Variants in DCLK2 observed in about 807,000 individuals in gnomAD.
The protein encoded by DCLK2 is doublecortin like kinase 2.
In DCLK2, 31 loss-of-function variants were observed where a neutral mutation model predicts 78.4. The observed-to-expected ratio is 0.40, with a 90% CI of 0.30 to 0.53. The LOEUF is 0.53. Ranked by LOEUF, DCLK2 falls within the 20% of genes least tolerant of loss-of-function variation. DCLK2 has a pLI of 0.61. For synonymous variants in DCLK2, 407 were observed against 374.9 expected, an observed-to-expected ratio of 1.09 and a Z score of -0.99; for missense variants, 872 against 973.7, an observed-to-expected ratio of 0.90 and a Z score of 1.39.
At chr4:150,193,265 AT>A in intron 3 of DCLK2, 25 bp downstream of exon 3, 3 of 1,476,158 alleles carry the variant, frequency 2.0e-6, no homozygotes, top group Non-Finnish European at 2.8e-6. Context: ...CAGCTAATTC[AT>A]TTTTCCATCT....
chr4:150,167,954 G>A (rs909145198), intron 2 of DCLK2, among the ~76,000 whole-genome samples: 2 of 152,154 alleles, frequency 1.3e-5, no homozygotes, highest in Non-Finnish European at 2.9e-5. Context: ...GCCCTCCCAA[G>A]TGCTGAAAGG....
intron 2 of DCLK2, among the ~76,000 whole-genome samples, chr4:150,168,333 C>T (rs970301246): frequency 8.1e-5 from 12 of 148,592 alleles, no homozygotes; most frequent in African/African-American, 2.7e-4. Flanking sequence ...GGTGACAGAG[C>T]GAGACTCCAT....
chr4:150,198,921 C>CT, intron 4 of DCLK2: 1 of 605,952 alleles, frequency 1.7e-6, no homozygotes, highest in Non-Finnish European at 2.7e-6. Context: ...CCCCCCCCCC[C>CT]ACTTTCTGTA....
At chr4:150,250,723 C>G (rs1302599499) in intron 15 of DCLK2, among the ~76,000 whole-genome samples, 1 of 151,716 alleles carries the variant, frequency 6.6e-6, no homozygotes, top group East Asian at 1.9e-4. Context: ...CTGGGAAGGT[C>G]CTCCTTGTTT....
intron 2 of DCLK2, among the ~76,000 whole-genome samples, chr4:150,154,305 C>T (rs1028448783): frequency 3.3e-5 from 5 of 152,148 alleles, no homozygotes; most frequent in African/African-American, 1.2e-4. Context: ...TCCTTGAAAT[C>T]GAGGATTCAT....
At chr4:150,177,911 G>A (rs1054468724) in intron 2 of DCLK2, among the ~76,000 whole-genome samples, 1 of 152,114 alleles carries the variant, frequency 6.6e-6, no homozygotes, top group African/African-American at 2.4e-5. Flanking sequence ...AAGGAAGCAG[G>A]GCACTGGGGC....
At chr4:150,231,666 T>C (rs1370106501) in intron 8 of DCLK2, among the ~76,000 whole-genome samples, 1 of 152,238 alleles carries the variant, frequency 6.6e-6, no homozygotes, top group East Asian at 1.9e-4. Flanking sequence ...CCAGGATTGA[T>C]AATCAGGTGG....
intron 2 of DCLK2, among the ~76,000 whole-genome samples, chr4:150,152,968 A>G (rs959609856): frequency 6.6e-6 from 1 of 152,254 alleles, no homozygotes; most frequent in Non-Finnish European, 1.5e-5. Context: ...CCGTTAGAAC[A>G]AAGGAATGAC....
intron 2 of DCLK2, among the ~76,000 whole-genome samples, chr4:150,184,580 T>TTTC (rs1466219960): frequency 7.5e-6 from 1 of 134,086 alleles, no homozygotes; most frequent in South Asian, 2.5e-4. Flanking sequence ...CAGTCTTGTG[T>TTTC]TTCTTCTTCT....
intron 1 of DCLK2, among the ~76,000 whole-genome samples, chr4:150,096,283 G>A (rs1730456364): frequency 6.6e-6 from 1 of 152,232 alleles, no homozygotes; most frequent in Non-Finnish European, 1.5e-5. Context: ...ATACTTTGGG[G>A]ACTTTAGGAA....
chr4:150,115,250 A>T (rs963894021), intron 2 of DCLK2, among the ~76,000 whole-genome samples: 3 of 152,146 alleles, frequency 2.0e-5, no homozygotes, highest in Non-Finnish European at 4.4e-5. Flanking sequence ...CTATCTCTTT[A>T]CAAAATTTGT....
At chr4:150,216,760 G>A (rs989013548) in intron 5 of DCLK2, among the ~76,000 whole-genome samples, 9 of 152,148 alleles carry the variant, frequency 5.9e-5, no homozygotes, top group African/African-American at 2.2e-4. Flanking sequence ...AGATCCCAGA[G>A]AAGACACTCA....
intron 2 of DCLK2, among the ~76,000 whole-genome samples, chr4:150,172,738 T>C (rs1736636087): frequency 7.5e-6 from 1 of 133,806 alleles, no homozygotes; most frequent in Admixed American, 8.1e-5. Flanking sequence ...CTCCTCACTC[T>C]AGAGAGTGTT....
rs74696926 is a variant in DCLK2 at position 150,180,348 on chromosome 4, G to T, written c.757-12790G>T. 3.8e-3 allele frequency among the ~76,000 whole-genome samples: 584 copies of T among 152,276 alleles called. 3 individuals carry two copies. Among genetic ancestry groups the T allele is most frequent in the African/African-American group, 0.014 (563 of 41,558 alleles). The stretch of plus-strand genomic sequence containing the variant: ...GTCATTGCATAGTTAGGTATTCCAT[G>T]CTTGTTCCCATTCCATTTCTGTTGG... On this transcript the variant is annotated intron_variant, in intron 2 of 15. Transcript: ENST00000296550.
chr4:150,101,430 C>G (rs1319256826), intron 1 of DCLK2, among the ~76,000 whole-genome samples: 2 of 151,968 alleles, frequency 1.3e-5, no homozygotes, highest in African/African-American at 2.4e-5. Flanking sequence ...TTCTCTTTCA[C>G]TATTTGGGTT....
At chr4:150,235,894 A>G (rs1742462524) in intron 10 of DCLK2, among the ~76,000 whole-genome samples, 1 of 152,158 alleles carries the variant, frequency 6.6e-6, no homozygotes, top group Non-Finnish European at 1.5e-5. Context: ...GTGGAGATGT[A>G]TGGGTAGCTG....
At chr4:150,214,116 G>A (rs1302158683) in intron 5 of DCLK2, among the ~76,000 whole-genome samples, 3 of 152,180 alleles carry the variant, frequency 2.0e-5, no homozygotes, top group Admixed American at 1.3e-4. Flanking sequence ...ACAAAGACAA[G>A]ATTGTTTGGC....
chr4:150,213,625 AACTTCAGAAGTT>A (rs1740473538), intron 5 of DCLK2, among the ~76,000 whole-genome samples: 1 of 152,198 alleles, frequency 6.6e-6, no homozygotes, highest in Non-Finnish European at 1.5e-5. Flanking sequence ...AAATTCAGTA[AACTTCAGAAGTT>A]ACCTTTTTAA....
At chr4:150,224,404 CAAA>C in intron 7 of DCLK2, 94 bp from the exon 8 acceptor site, 30 of 919,088 alleles carry the variant, frequency 3.3e-5, no homozygotes, top group South Asian at 6.4e-5. Context: ...CTCATCTCTA[CAAA>C]AAAAAAAAAA....
Sources: gnomAD v4.1 joint callset for allele counts (sites outside exome capture counted in the v4.1 genomes callset) on GRCh38, gnomAD v4.1.1 for gene constraint, MANE v1.5 for transcripts, NCBI Gene and HGNC (gene_info 2026-07-23, HGNC 2026-07-21) for gene names.